TTBK2: variants seen among roughly 807,000 people sequenced by gnomAD.
TTBK2 encodes tau-tubulin kinase 2.
A neutral mutation model predicts 110.8 loss-of-function variants in TTBK2; 28 were observed. The observed-to-expected ratio is 0.25, with a 90% CI of 0.19 to 0.35. TTBK2 has a LOEUF of 0.35. Ranked by LOEUF, TTBK2 falls within the 10% of genes least tolerant of loss-of-function variation. The pLI is 1.00. For missense variants in TTBK2, 1,369 were observed against 1,500.3 expected (o/e 0.91, Z 1.45); for synonymous variants, 532 against 527.3 (o/e 1.01, Z -0.12).
intron 7 of TTBK2, among the ~76,000 whole-genome samples, chr15:42,816,099 T>TATATATATAAAAATAAATAAATAA (rs1418083929): frequency 4.1e-5 from 5 of 121,418 alleles, no homozygotes; most frequent in African/African-American, 1.3e-4. Flanking sequence ...TATATATATA[T>TATATATATAAAAATAAATAAATAA]ATATATATAT....
chr15:42,855,434 A>G (rs1018179609), intron 3 of TTBK2, among the ~76,000 whole-genome samples: 1 of 152,192 alleles, frequency 6.6e-6, no homozygotes, highest in African/African-American at 2.4e-5. Context: ...AGTTTAAGGA[A>G]CATCTGAAAT....
chr15:42,858,592 A>T (rs1200752738), intron 3 of TTBK2, among the ~76,000 whole-genome samples: 1 of 152,202 alleles, frequency 6.6e-6, no homozygotes. Flanking sequence ...GGAAGCTGCC[A>T]TGCCATTCTA....
chr15:42,878,697 C>T lies in TTBK2; in HGVS notation c.-67-13G>A, dbSNP rs758542208. 1.3e-4 allele frequency: 214 copies of T among 1,609,610 alleles called. No individual in the cohort carries two copies. The highest frequency in any genetic ancestry group is 1.8e-4 in the Non-Finnish European group (208 of 1,178,606). On this transcript the variant is annotated splice_polypyrimidine_tract_variant and intron_variant, in intron 1 of 14. Coordinates refer to ENST00000267890, the MANE Select transcript of TTBK2 (RefSeq NM_173500.4). ...GTTTCCATTTAACCTAAAACAACAA[C>T]AACAAAAAATAGTAGCAGTATTTAG...
At chr15:42,883,597 A>G (rs1895134493) in intron 1 of TTBK2, among the ~76,000 whole-genome samples, 1 of 151,990 alleles carries the variant, frequency 6.6e-6, no homozygotes, top group Admixed American at 6.6e-5. Flanking sequence ...AAGAGATATC[A>G]GGAAAAGCAA....
chr15:42,849,633 G>C (rs1367054393), intron 3 of TTBK2, among the ~76,000 whole-genome samples: 1 of 152,140 alleles, frequency 6.6e-6, no homozygotes, highest in Non-Finnish European at 1.5e-5. Flanking sequence ...TTGAGTTCAT[G>C]CTTCAAGTTC....
intron 9 of TTBK2, chr15:42,801,756 G>A: frequency 2.4e-6 from 2 of 821,882 alleles, no homozygotes; most frequent in Non-Finnish European, 4.3e-6. Flanking sequence ...AGCTGATCTT[G>A]GCAGTCAGCT....
At chr15:42,913,273 A>T (rs1024206683) in intron 1 of TTBK2, among the ~76,000 whole-genome samples, 6 of 152,180 alleles carry the variant, frequency 3.9e-5, no homozygotes, top group African/African-American at 1.4e-4. Flanking sequence ...GTTCTTTATC[A>T]ACTTTCAGGG....
chr15:42,835,308 G>A (rs1047469697), intron 4 of TTBK2, among the ~76,000 whole-genome samples: 1 of 152,116 alleles, frequency 6.6e-6, no homozygotes, highest in African/African-American at 2.4e-5. Context: ...GCCTCCTGAT[G>A]TGATTCAAGA....
At chr15:42,881,422 C>T (rs1003587440) in intron 1 of TTBK2, among the ~76,000 whole-genome samples, 1 of 147,548 alleles carries the variant, frequency 6.8e-6, no homozygotes, top group Non-Finnish European at 1.5e-5. Flanking sequence ...AAGAATATCT[C>T]AATTTACATA....
rs573479893 is a variant in TTBK2, at chr15:42,859,093, T to C, written c.217+13518A>G. ...TTTGTTTTATTTATTTATTTTTTAT[T>C]TAATTTTAATTTTAATTTTTGTATT... On this transcript the variant is annotated intron_variant, in intron 3 of 14. Coordinates refer to ENST00000267890, the MANE Select transcript of TTBK2 (RefSeq NM_173500.4). Among the ~76,000 whole-genome samples, 475 of 152,206 alleles carry C rather than the reference T, an allele frequency of 3.1e-3. 3 individuals carry two copies. Among genetic ancestry groups the C allele is most frequent in the Non-Finnish European group, 4.7e-3 (323 of 68,012 alleles).
At chr15:42,796,275 G>A (rs1595919178) in intron 9 of TTBK2, among the ~76,000 whole-genome samples, 1 of 152,088 alleles carries the variant, frequency 6.6e-6, no homozygotes, top group East Asian at 1.9e-4. Flanking sequence ...GTGGTGGCAG[G>A]TGCCTGTAGT....
At position 42,745,518 on chromosome 15, in the gene TTBK2, G is replaced by C; in HGVS notation, c.*277C>G. ...CCTCAACTCTTTTGTTTCAAAGGCA[G>C]CTTAAAAAATGAGAGCTCATTTTAA... On this transcript the variant is annotated 3_prime_UTR_variant, in exon 15 of 15. Transcript: ENST00000267890. 2.2e-6 allele frequency: 1 copy of C among 458,692 alleles called. No individual in the cohort carries two copies. Among genetic ancestry groups the C allele is most frequent in the South Asian group, 2.5e-5 (1 of 40,588 alleles). 28.4% of individuals were successfully genotyped at this position (458,692 alleles called of 1,614,324 possible). A position where few individuals can be genotyped will look rare whatever the true frequency, so the allele number is the denominator to read the frequency against.
intron 3 of TTBK2, among the ~76,000 whole-genome samples, chr15:42,842,280 G>T (rs1443682613): frequency 6.6e-6 from 1 of 152,092 alleles, no homozygotes; most frequent in Non-Finnish European, 1.5e-5. Flanking sequence ...GGAGGAAACT[G>T]AGAGAGCCGT....
chr15:42,831,647 G>A (rs1892766106), intron 4 of TTBK2, among the ~76,000 whole-genome samples: 1 of 152,056 alleles, frequency 6.6e-6, no homozygotes, highest in Non-Finnish European at 1.5e-5. Flanking sequence ...ATCTAACTCT[G>A]ACCCCAAAGT....
At chr15:42,892,229 A>T (rs1481606480) in intron 1 of TTBK2, among the ~76,000 whole-genome samples, 13 of 152,224 alleles carry the variant, frequency 8.5e-5, no homozygotes, top group Admixed American at 8.5e-4. Flanking sequence ...ACACTTGGAA[A>T]TTAAACTATA....
Position 42,762,879 on chromosome 15 carries a change from G to A in TTBK2, c.1999-9632C>T, listed in dbSNP as rs145976212. ...AGCCAGGCAAAGAAAGACAAATACC[G>A]CATGTTCTCACTAATATATGAGGAA... On this transcript the variant is annotated intron_variant, in intron 13 of 14. Transcript: ENST00000267890. Among the ~76,000 whole-genome samples, 1,016 of 151,310 alleles carry A rather than the reference G, an allele frequency of 6.7e-3. 14 individuals carry two copies. Among genetic ancestry groups the A allele is most frequent in the Non-Finnish European group, 0.013 (853 of 67,860 alleles).
At chr15:42,746,588 G>C (rs1395952077) in intron 14 of TTBK2, among the ~76,000 whole-genome samples, 1 of 152,192 alleles carries the variant, frequency 6.6e-6, no homozygotes, top group South Asian at 2.1e-4. Flanking sequence ...CTAATTTTCA[G>C]ATGAATTTAA....
chr15:42,751,902 T>C lies in TTBK2; in HGVS notation c.3272+72A>G, dbSNP rs78828833. The C allele has an allele frequency of 6.6e-4, 1,026 of 1,566,268 alleles. 2 individuals carry two copies. In the African/African-American group the frequency reaches 0.012, roughly 19 times the overall value. ...AGGGGGCAACACAGAAATGTTGCCA[T>C]TGGTGGACTACAATAAAGCAGATAT... On this transcript the variant is annotated intron_variant, in intron 14 of 14. Transcript: ENST00000267890.
Position 42,741,849 on chromosome 15 carries a change from C to T in TTBK2, c.*3946G>A, listed in dbSNP as rs2061753353. 1 of 152,122 alleles carries T rather than the reference C, an allele frequency of 6.6e-6. No individual in the cohort carries two copies. The highest frequency in any genetic ancestry group is 2.4e-5 in the African/African-American group (1 of 41,490). The allele number at this position is 152,122 out of a possible 1,614,324, so 9.4% of individuals were successfully genotyped here. On this transcript the variant is annotated 3_prime_UTR_variant, in exon 15 of 15. Transcript: ENST00000267890. ...ATCCTGCTTCTCGTATCACCAATTC[C>T]TAATGTTAGGAATGTAGAACTGTCT...
Sources: gnomAD v4.1 joint callset for allele counts (sites outside exome capture counted in the v4.1 genomes callset) on GRCh38, gnomAD v4.1.1 for gene constraint, MANE v1.5 for transcripts, NCBI Gene and HGNC (gene_info 2026-07-23, HGNC 2026-07-21) for gene names.